Variants in ADCY9 observed in about 807,000 individuals in gnomAD.
ADCY9 encodes the protein adenylate cyclase 9.
Under a neutral mutation model 101.5 loss-of-function variants are expected in ADCY9, and 50 were observed. That is an observed-to-expected ratio of 0.49 (90% confidence interval 0.39 to 0.62). ADCY9 has a LOEUF of 0.62. ADCY9 is among the 20% of genes least tolerant of loss of function. ADCY9 has a pLI of 0.00. For synonymous variants in ADCY9, 905 were observed against 769.3 expected (o/e 1.18, Z -2.92); for missense variants, 1,662 against 1,800.4 (o/e 0.92, Z 1.39).
intron 2 of ADCY9, among the ~76,000 whole-genome samples, chr16:4,044,679 G>A (rs1292457525): frequency 2.0e-5 from 3 of 152,166 alleles, no homozygotes; most frequent in Admixed American, 6.5e-5. Flanking sequence ...CAACAGAGAA[G>A]GCTGATCTAT....
intron 2 of ADCY9, among the ~76,000 whole-genome samples, chr16:4,031,670 G>A (rs900525582): frequency 6.6e-6 from 1 of 151,524 alleles, no homozygotes; most frequent in African/African-American, 2.4e-5. Flanking sequence ...GATTGTTTGA[G>A]CCCAGGAGTT....
At chr16:4,030,768 A>G (rs2056550210) in intron 2 of ADCY9, among the ~76,000 whole-genome samples, 1 of 152,042 alleles carries the variant, frequency 6.6e-6, no homozygotes, top group Admixed American at 6.6e-5. Flanking sequence ...AGGCAAACGC[A>G]ATTTATGGTG....
At chr16:4,066,545 C>G (rs2056802177) in intron 2 of ADCY9, among the ~76,000 whole-genome samples, 1 of 151,996 alleles carries the variant, frequency 6.6e-6, no homozygotes, top group African/African-American at 2.4e-5. Context: ...TGTCACCACA[C>G]CCAGCTAATG....
chr16:4,051,316 G>A (rs1041633004), intron 2 of ADCY9, among the ~76,000 whole-genome samples: 5 of 151,256 alleles, frequency 3.3e-5, no homozygotes, highest in African/African-American at 4.9e-5. Context: ...ACGAGGTCAG[G>A]GGATTGAGAC....
intron 10 of ADCY9, among the ~76,000 whole-genome samples, chr16:3,968,000 A>G (rs2141672742): frequency 6.6e-6 from 1 of 152,132 alleles, no homozygotes; most frequent in East Asian, 1.9e-4. Flanking sequence ...TTTTTGCTGA[A>G]TGAACTTTTT....
At chr16:4,058,420 G>A (rs550938227) in intron 2 of ADCY9, among the ~76,000 whole-genome samples, 9 of 148,362 alleles carry the variant, frequency 6.1e-5, no homozygotes, top group East Asian at 2.0e-4. Flanking sequence ...AGCCAAGATC[G>A]CCCCACTGCA....
Position 3,964,492 on chromosome 16 carries a change from C to T in ADCY9, c.*1283G>A, listed in dbSNP as rs979524571. On this transcript the variant is annotated 3_prime_UTR_variant, in exon 11 of 11. Transcript: ENST00000294016. Reference sequence around the variant, plus strand: ...TCCATTTCAGAGCTGGAATTTGCTCCCCAGATTAAATCCTGCCACTGATAG... The same window carrying T: ...TCCATTTCAGAGCTGGAATTTGCTCTCCAGATTAAATCCTGCCACTGATAG... 1 of 152,260 alleles carries T rather than the reference C, an allele frequency of 6.6e-6. No homozygotes were observed. The highest frequency in any genetic ancestry group is 1.5e-5 in the Non-Finnish European group (1 of 68,078). The allele number at this position is 152,260 out of a possible 1,614,324, so 9.4% of individuals were successfully genotyped here.
At chr16:4,054,457 T>A (rs1350296924) in intron 2 of ADCY9, among the ~76,000 whole-genome samples, 1 of 152,218 alleles carries the variant, frequency 6.6e-6, no homozygotes, top group Non-Finnish European at 1.5e-5. Flanking sequence ...CAAACCATCT[T>A]CCTGAAACTC....
chr16:4,008,962 T>C (rs2056385518), intron 2 of ADCY9, among the ~76,000 whole-genome samples: 1 of 152,206 alleles, frequency 6.6e-6, no homozygotes, highest in Non-Finnish European at 1.5e-5. Flanking sequence ...TCTGGCTTCT[T>C]ACGCTGGGTA....
rs778012664 is a variant in ADCY9, at chr16:3,966,223, C to T, written c.3614G>A (p.Arg1205His). ...SRMDTTGVEC[R>H]IQVSEESYRV... ...GTAGCTCTCTTCGCTCACCTGGATG[C>T]GGCACTCCACGCCGGTGGTGTCCAT... is the stretch of plus-strand genomic sequence containing the variant. Residue 1205 changes from arginine to histidine, a missense_variant, in exon 11 of 11, where the codon CGC (arginine) becomes CAC (histidine). Physicochemically the swap from Arg to His is conservative, Grantham distance 29. This residue lies in a region of ADCY9 where 220 missense variants were observed against 312.9 expected (regional missense o/e 0.70). Transcript: ENST00000294016. The T allele has an allele frequency of 8.7e-6, 14 of 1,614,102 alleles. No homozygotes were observed. Among genetic ancestry groups the T allele is most frequent in the East Asian group, 2.2e-5 (1 of 44,896 alleles).
intron 2 of ADCY9, among the ~76,000 whole-genome samples, chr16:4,044,450 G>A (rs1337768076): frequency 6.6e-6 from 1 of 152,014 alleles, no homozygotes; most frequent in African/African-American, 2.4e-5. Context: ...TTTCTTCCAG[G>A]CTATTTACCA....
At chr16:4,011,726 C>T (rs1339326688) in intron 2 of ADCY9, among the ~76,000 whole-genome samples, 3 of 152,158 alleles carry the variant, frequency 2.0e-5, no homozygotes, top group Admixed American at 2.0e-4. Context: ...GCTGCTTCAT[C>T]GCTGCCTCTC....
chr16:4,087,798 T>C (rs988316709), intron 2 of ADCY9, among the ~76,000 whole-genome samples: 5 of 151,736 alleles, frequency 3.3e-5, no homozygotes, highest in African/African-American at 1.2e-4. Flanking sequence ...GCAATCCTGT[T>C]ACTATTTATT....
At chr16:4,015,139 C>T (rs1275143852) in intron 2 of ADCY9, among the ~76,000 whole-genome samples, 1 of 151,552 alleles carries the variant, frequency 6.6e-6, no homozygotes, top group African/African-American at 2.4e-5. Flanking sequence ...GATGGGGTTT[C>T]ACCGTGTTAG....
At chr16:4,044,981 GT>G (rs1224011998) in intron 2 of ADCY9, among the ~76,000 whole-genome samples, 3 of 152,166 alleles carry the variant, frequency 2.0e-5, no homozygotes, top group Non-Finnish European at 4.4e-5. Flanking sequence ...GCTCGGTATG[GT>G]TGATAAGACA....
chr16:3,991,488 C>T lies in ADCY9; in HGVS notation c.2207+658G>A, dbSNP rs1050468814. Among the ~76,000 whole-genome samples the T allele has an allele frequency of 2.6e-5, 4 of 152,190 alleles. No homozygotes were observed. In the East Asian group the frequency reaches 7.7e-4, roughly 29 times the overall value. ...TCAAAAATGTTACCATTAGGCCAGG[C>T]ACAGGCTCACACCTGTAATCCCAGC... On this transcript the variant is annotated intron_variant, in intron 5 of 10. Transcript: ENST00000294016.
rs377246159 is a variant in ADCY9, at chr16:3,995,739, C to A, written c.1885-2229G>T. ...ACTACCTAAGGGCAAAGATATGACC[C>A]AGGTTGTATTTAAAGTTAGACTGCA... is the stretch of plus-strand genomic sequence containing the variant. On this transcript the variant is annotated intron_variant, in intron 3 of 10. Coordinates refer to ENST00000294016, the MANE Select transcript of ADCY9 (RefSeq NM_001116.4). Among the ~76,000 whole-genome samples, 5 of 151,878 alleles carry A rather than the reference C, an allele frequency of 3.3e-5. No homozygotes were observed. The East Asian group carries it at 9.7e-4, about 29-fold the overall frequency.
intron 5 of ADCY9, among the ~76,000 whole-genome samples, chr16:3,990,944 C>T (rs1305027994): frequency 6.6e-6 from 1 of 152,196 alleles, no homozygotes; most frequent in South Asian, 2.1e-4. Context: ...GGATGACAGG[C>T]ACCCGCCACC....
rs1184155729 is a variant in ADCY9, at chr16:4,115,988, C to T, written c.-342G>A. 1 of 252,200 alleles carries T rather than the reference C, an allele frequency of 4.0e-6. No homozygotes were observed. 15.6% of individuals were successfully genotyped at this position (252,200 alleles called of 1,614,324 possible). A position where few individuals can be genotyped will look rare whatever the true frequency, so the allele number is the denominator to read the frequency against. On this transcript the variant is annotated 5_prime_UTR_variant, in exon 1 of 11. Coordinates refer to ENST00000294016, the MANE Select transcript of ADCY9 (RefSeq NM_001116.4). The surrounding 1 kb of genome is among the most constrained non-coding windows in gnomAD (Gnocchi z 6.2). Reference sequence around the variant, plus strand: ...GGCCGGCCCCGGGCCCGGACCCCGACCCGGAGCAGCGAGCTTCGGCGGGCG... The same window carrying T: ...GGCCGGCCCCGGGCCCGGACCCCGATCCGGAGCAGCGAGCTTCGGCGGGCG...
Sources: allele counts gnomAD v4.1 joint callset (sites outside exome capture counted in the v4.1 genomes callset), GRCh38; gene constraint gnomAD v4.1.1; regional missense constraint gnomAD v4.1.1; non-coding constraint Gnocchi (gnomAD v3.1); transcripts MANE v1.5; gene names NCBI Gene and HGNC (gene_info 2026-07-23, HGNC 2026-07-21).